SHOC2: variants seen among roughly 807,000 people sequenced by gnomAD.
SHOC2 encodes the protein SHOC2 leucine rich repeat scaffold protein, also known as leucine-rich repeat protein SHOC-2.
A neutral mutation model predicts 50.2 loss-of-function variants in SHOC2; 4 were observed. The observed-to-expected ratio is 0.08, with a 90% CI of 0.04 to 0.18. SHOC2 has a LOEUF of 0.18. SHOC2 is among the 10% of genes least tolerant of loss of function. SHOC2 has a pLI of 1.00. For missense variants in SHOC2, 388 were observed against 669.6 expected, an observed-to-expected ratio of 0.58 and a Z score of 4.64; for synonymous variants, 218 against 244.5, an observed-to-expected ratio of 0.89 and a Z score of 1.01.
At chr10:110,942,406 G>A (rs1847165089) in intron 1 of SHOC2, among the ~76,000 whole-genome samples, 1 of 151,956 alleles carries the variant, frequency 6.6e-6, no homozygotes, top group Admixed American at 6.6e-5. Context: ...GGAGTGTAGT[G>A]GCTCAGTCGT....
chr10:110,986,998 T>C (rs1196600302), intron 3 of SHOC2, among the ~76,000 whole-genome samples: 2 of 152,204 alleles, frequency 1.3e-5, no homozygotes, highest in Admixed American at 6.5e-5. Flanking sequence ...AGTTCACCCT[T>C]ACTGGTAGGG....
intron 1 of SHOC2, among the ~76,000 whole-genome samples, chr10:110,954,259 T>C (rs1201676962): frequency 1.3e-5 from 2 of 152,116 alleles, no homozygotes; most frequent in Non-Finnish European, 2.9e-5. Context: ...TTTGAATTAA[T>C]TACATGTTTT....
chr10:111,003,541 C>T (rs548845228), intron 4 of SHOC2, among the ~76,000 whole-genome samples: 1 of 151,990 alleles, frequency 6.6e-6, no homozygotes, highest in African/African-American at 2.4e-5. Context: ...TCACTATGGC[C>T]CATAAAATAT....
intron 3 of SHOC2, among the ~76,000 whole-genome samples, chr10:110,986,707 CTCAGG>C (rs1317726828): frequency 6.6e-6 from 1 of 152,124 alleles, no homozygotes; most frequent in Non-Finnish European, 1.5e-5. Context: ...AACTCCTGAC[CTCAGG>C]TGATCTGCCT....
At chr10:110,950,133 T>G (rs1847322576) in intron 1 of SHOC2, among the ~76,000 whole-genome samples, 1 of 152,152 alleles carries the variant, frequency 6.6e-6, no homozygotes, top group South Asian at 2.1e-4. Context: ...TAACATGATC[T>G]TATATGTAGG....
intron 1 of SHOC2, among the ~76,000 whole-genome samples, chr10:110,922,439 A>G (rs887328621): frequency 2.7e-5 from 1 of 37,538 alleles, no homozygotes; most frequent in Non-Finnish European, 5.8e-5. Flanking sequence ...TATTTCTGGA[A>G]GACTTCTTTA....
intron 1 of SHOC2, among the ~76,000 whole-genome samples, chr10:110,945,466 G>C (rs1296731686): frequency 1.3e-5 from 2 of 152,160 alleles, no homozygotes; most frequent in African/African-American, 4.8e-5. Flanking sequence ...TAATGAGATT[G>C]AGCTTTTTAA....
chr10:110,971,217 AG>A (rs1415186100), intron 2 of SHOC2, among the ~76,000 whole-genome samples: 1 of 152,010 alleles, frequency 6.6e-6, no homozygotes, highest in African/African-American at 2.4e-5. Context: ...ATTCTGAGTT[AG>A]TTTTTTGTAT....
intron 2 of SHOC2, among the ~76,000 whole-genome samples, chr10:110,973,428 T>G (rs1285079790): frequency 6.6e-6 from 1 of 152,178 alleles, no homozygotes; most frequent in African/African-American, 2.4e-5. Flanking sequence ...TGGATTTAAT[T>G]TACTAAAATT....
chr10:110,970,433 T>C (rs1847757742), intron 2 of SHOC2, among the ~76,000 whole-genome samples: 1 of 152,222 alleles, frequency 6.6e-6, no homozygotes, highest in Non-Finnish European at 1.5e-5. Flanking sequence ...TTTTCTTTCT[T>C]CATCTGTTGT....
In SHOC2 at chr10:110,964,046, C is replaced by A; in HGVS notation, c.-234-79C>A. 2.3e-6 allele frequency: 1 copy of A among 429,514 alleles called. No individual in the cohort carries two copies. The highest frequency in any genetic ancestry group is 4.1e-6 in the Non-Finnish European group (1 of 246,200). 26.6% of individuals were successfully genotyped at this position (429,514 alleles called of 1,614,324 possible). A position where few individuals can be genotyped will look rare whatever the true frequency, so the allele number is the denominator to read the frequency against. ...AATGAAATCATAGGAAAATGGCAAA[C>A]TCTAATAAGATTGTTTTTCAGAGCC... On this transcript the variant is annotated intron_variant, in intron 1 of 8. Coordinates refer to ENST00000369452, the MANE Select transcript of SHOC2 (RefSeq NM_007373.4). The surrounding 1 kb of genome is among the most constrained non-coding windows in gnomAD (Gnocchi z 4.9).
chr10:110,949,887 A>AT (rs944021148), intron 1 of SHOC2, among the ~76,000 whole-genome samples: 1 of 152,192 alleles, frequency 6.6e-6, no homozygotes, highest in Non-Finnish European at 1.5e-5. Flanking sequence ...TCACTTTGTG[A>AT]TAAAAACTCA....
rs370351651 is a variant in SHOC2, at chr10:110,965,075, GATT to G, written c.703+24_703+26del. The G allele has an allele frequency of 1.5e-3, 2,354 of 1,604,850 alleles. 49 individuals are homozygous for G. In the South Asian group the frequency reaches 0.024, roughly 16 times the overall value. On this transcript the variant is annotated intron_variant, in intron 2 of 8. Transcript: ENST00000369452. The stretch of plus-strand genomic sequence containing the variant: ...CTGCTGAAATTGGTAAGAGGCCTTG[GATT>G]ATTATTATTTGTAGTATTTGTTATG...
chr10:111,008,789 G>A (rs1392840990), intron 6 of SHOC2, among the ~76,000 whole-genome samples: 1 of 152,032 alleles, frequency 6.6e-6, no homozygotes, highest in African/African-American at 2.4e-5. Context: ...TCGGAACAAA[G>A]GCTATCTTCT....
chr10:111,007,914 C>T (rs370819865), intron 6 of SHOC2, among the ~76,000 whole-genome samples: 1 of 151,928 alleles, frequency 6.6e-6, no homozygotes, highest in African/African-American at 2.4e-5. Flanking sequence ...AAGAAAAGTT[C>T]TGTAAAAGCA....
intron 1 of SHOC2, among the ~76,000 whole-genome samples, chr10:110,930,079 TA>T (rs1034870193): frequency 6.6e-6 from 1 of 152,228 alleles, no homozygotes; most frequent in African/African-American, 2.4e-5. Flanking sequence ...AGCTTTGTGA[TA>T]TTTTTTAAAA....
chr10:110,981,838 G>C (rs1421512775), intron 2 of SHOC2, among the ~76,000 whole-genome samples: 1 of 122,320 alleles, frequency 8.2e-6, no homozygotes, highest in East Asian at 2.3e-4. Context: ...GTTGAATTCA[G>C]TTTTCTTATT....
chr10:110,933,978 A>G (rs1224771038), intron 1 of SHOC2, among the ~76,000 whole-genome samples: 3 of 152,208 alleles, frequency 2.0e-5, no homozygotes, highest in Non-Finnish European at 4.4e-5. Context: ...TATTAGCTGT[A>G]TTTTGTTTGA....
At chr10:110,936,293 G>A (rs1160344927) in intron 1 of SHOC2, among the ~76,000 whole-genome samples, 1 of 151,116 alleles carries the variant, frequency 6.6e-6, no homozygotes, top group Non-Finnish European at 1.5e-5. Context: ...TAGTTGAGAC[G>A]GGGTTTCACC....
Sources: gnomAD v4.1 joint callset for allele counts (sites outside exome capture counted in the v4.1 genomes callset) on GRCh38, gnomAD v4.1.1 for gene constraint, Gnocchi (gnomAD v3.1) non-coding constraint, MANE v1.5 for transcripts, NCBI Gene and HGNC (gene_info 2026-07-23, HGNC 2026-07-21) for gene names.